The following KLF12 variants were observed in gnomAD, a reference collection of about 807,000 sequenced individuals.
KLF12 encodes the protein KLF transcription factor 12.
In KLF12, 9 loss-of-function variants were observed where a neutral mutation model predicts 37.8. The ratio of observed to expected loss-of-function variants is 0.24; its 90% CI spans 0.14 to 0.42. The LOEUF (loss-of-function observed/expected upper bound fraction) is 0.42. KLF12 is among the 10% of genes least tolerant of loss of function. The probability of loss-of-function intolerance (pLI) is 1.00; values close to 1 mark genes in which losing one functional copy is unlikely to be tolerated. For synonymous variants in KLF12, 208 were observed against 202.1 expected (o/e 1.03, Z -0.25); for missense variants, 411 against 516.0 (o/e 0.80, Z 1.97).
Position 73,792,140 on chromosome 13 carries a change from A to G in KLF12, c.806+21012T>C, listed in dbSNP as rs537670268. Among the ~76,000 whole-genome samples the G allele has an allele frequency of 7.2e-4, 109 of 152,140 alleles. 1 individual carries two copies. Among genetic ancestry groups the G allele is most frequent in the African/African-American group, 2.6e-3 (106 of 41,506 alleles). ...TGACATCTTCAGTAAATTAACTGCA[A>G]CTCTACTCTCCTCTCATCCAACCCA... On this transcript the variant is annotated intron_variant, in intron 5 of 7. Coordinates refer to ENST00000377669, the MANE Select transcript of KLF12 (RefSeq NM_007249.5).
intron 3 of KLF12, among the ~76,000 whole-genome samples, chr13:73,926,055 A>ACC (rs1259210413): frequency 6.6e-6 from 1 of 152,098 alleles, no homozygotes; most frequent in Admixed American, 6.5e-5. Context: ...GACATTGTTG[A>ACC]AACAACAACA....
the KLF12 span, among the ~76,000 whole-genome samples, chr13:74,255,880 G>A: frequency 9.2e-5 from 14 of 152,252 alleles, no homozygotes; most frequent in African/African-American, 3.4e-4. Flanking sequence ...ATGAGGCCGG[G>A]CACGGTGGCT....
intron 3 of KLF12, among the ~76,000 whole-genome samples, chr13:73,877,325 CT>C (rs1454394219): frequency 6.6e-6 from 1 of 151,980 alleles, no homozygotes; most frequent in Non-Finnish European, 1.5e-5. Context: ...TATAAAATGC[CT>C]TTTTTTAGTC....
intron 1 of KLF12, among the ~76,000 whole-genome samples, chr13:74,057,692 A>G (rs975792416): frequency 2.0e-5 from 3 of 152,230 alleles, no homozygotes; most frequent in Middle Eastern, 3.2e-3. Context: ...CTATTTTAAA[A>G]GAGAATATAT....
intron 2 of KLF12, among the ~76,000 whole-genome samples, chr13:73,966,859 G>T (rs1475457242): frequency 6.6e-6 from 1 of 152,100 alleles, no homozygotes. Flanking sequence ...TAACTGACTT[G>T]TCCATGTTAA....
intron 5 of KLF12, among the ~76,000 whole-genome samples, chr13:73,797,527 T>G (rs1204965587): frequency 6.6e-6 from 1 of 152,134 alleles, no homozygotes; most frequent in Non-Finnish European, 1.5e-5. Flanking sequence ...CCCAGCATTT[T>G]GGGAGGCTGA....
chr13:73,748,203 T>C (rs142167783), intron 6 of KLF12, among the ~76,000 whole-genome samples: 3,541 of 152,330 alleles, frequency 0.023, 50 homozygotes, highest in South Asian at 0.037. Flanking sequence ...CAGATTCCTT[T>C]GTCACACAGA....
At chr13:73,873,413 A>C (rs1157016766) in intron 3 of KLF12, among the ~76,000 whole-genome samples, 2 of 152,184 alleles carry the variant, frequency 1.3e-5, no homozygotes, top group African/African-American at 4.8e-5. Flanking sequence ...GGTAATTCTC[A>C]AAATCTGGTT....
At chr13:74,172,904 AC>A in the KLF12 span, among the ~76,000 whole-genome samples, 1 of 152,048 alleles carries the variant, frequency 6.6e-6, no homozygotes, top group Non-Finnish European at 1.5e-5. Context: ...CTAAATATAT[AC>A]CCTTCGTCCT....
In KLF12 at chr13:73,866,058, C is replaced by T. The variant is rs575028080; in HGVS notation, c.124-19685G>A. On this transcript the variant is annotated intron_variant, in intron 3 of 7. Coordinates refer to ENST00000377669, the MANE Select transcript of KLF12 (RefSeq NM_007249.5). ...ATCCCTTGAGGCCAGGAGTTTGAGA[C>T]CAGCCTGGCCAACAGGGCGAAACTC... 5.8e-4 allele frequency among the ~76,000 whole-genome samples: 88 copies of T among 152,148 alleles called. 1 individual carries two copies. Among genetic ancestry groups the T allele is most frequent in the Non-Finnish European group, 1.2e-3 (81 of 68,022 alleles).
intron 4 of KLF12, among the ~76,000 whole-genome samples, chr13:73,817,409 T>G (rs548165838): frequency 1.2e-4 from 18 of 150,750 alleles, no homozygotes; most frequent in African/African-American, 4.4e-4. Context: ...AATTTTAGGG[T>G]TAGTTGTAGG....
chr13:74,290,209 C>T, the KLF12 span, among the ~76,000 whole-genome samples: 2 of 152,166 alleles, frequency 1.3e-5, no homozygotes, highest in South Asian at 2.1e-4. Flanking sequence ...TCTCTGCAGC[C>T]GTTGACACCA....
the KLF12 span, among the ~76,000 whole-genome samples, chr13:74,145,435 G>A: frequency 6.6e-6 from 1 of 152,100 alleles, no homozygotes; most frequent in African/African-American, 2.4e-5. Context: ...TTGCCTGCTA[G>A]AACTGTTATC....
chr13:74,052,940 A>G (rs964437730), intron 1 of KLF12, among the ~76,000 whole-genome samples: 1 of 152,176 alleles, frequency 6.6e-6, no homozygotes, highest in Non-Finnish European at 1.5e-5. Context: ...CCTCTAAAAC[A>G]TCAGTCTTCC....
At chr13:73,868,611 T>C (rs1886312915) in intron 3 of KLF12, among the ~76,000 whole-genome samples, 1 of 152,044 alleles carries the variant, frequency 6.6e-6, no homozygotes, top group East Asian at 1.9e-4. Flanking sequence ...GGCTGGTCTC[T>C]CGAACTCCTG....
At chr13:73,968,068 A>G (rs541351475) in intron 2 of KLF12, among the ~76,000 whole-genome samples, 2 of 152,242 alleles carry the variant, frequency 1.3e-5, no homozygotes, top group African/African-American at 4.8e-5. Context: ...AGTGAAGTCA[A>G]TTTAGGTTAT....
intron 6 of KLF12, among the ~76,000 whole-genome samples, chr13:73,761,793 G>A (rs1879571794): frequency 6.6e-6 from 1 of 152,142 alleles, no homozygotes; most frequent in African/African-American, 2.4e-5. Flanking sequence ...AGGAAAAGAG[G>A]TTTTTACTTC....
the KLF12 span, among the ~76,000 whole-genome samples, chr13:74,219,016 C>T: frequency 1.3e-5 from 2 of 149,424 alleles, no homozygotes; most frequent in Non-Finnish European, 3.0e-5. Flanking sequence ...GGCTGGAGGG[C>T]AGTGGGGTGA....
At chr13:73,895,161 T>G (rs1887702912) in intron 3 of KLF12, among the ~76,000 whole-genome samples, 1 of 152,212 alleles carries the variant, frequency 6.6e-6, no homozygotes, top group African/African-American at 2.4e-5. Context: ...GATAAATAAG[T>G]TGCTTTTTTG....
Sources: allele counts gnomAD v4.1 joint callset (sites outside exome capture counted in the v4.1 genomes callset), GRCh38; gene constraint gnomAD v4.1.1; transcripts MANE v1.5; gene names NCBI Gene and HGNC (gene_info 2026-07-23, HGNC 2026-07-21).